The following MAP3K9 variants were observed in gnomAD, a reference collection of about 807,000 sequenced individuals.
MAP3K9 encodes the protein mitogen-activated protein kinase kinase kinase 9, also known as mixed lineage kinase 1 (tyr and ser/thr specificity).
In MAP3K9, 46 loss-of-function variants were observed where a neutral mutation model predicts 95.8. The observed-to-expected ratio is 0.48, with a 90% CI of 0.38 to 0.61. MAP3K9 has a LOEUF of 0.61. MAP3K9 is among the 20% of genes least tolerant of loss of function. The pLI, the probability that MAP3K9 is intolerant of heterozygous loss-of-function variation, is 0.00. For missense variants in MAP3K9, 1,296 were observed against 1,474.3 expected, an observed-to-expected ratio of 0.88 and a Z score of 1.98; for synonymous variants, 533 against 593.8, an observed-to-expected ratio of 0.90 and a Z score of 1.49.
chr14:70,778,974 C>T (rs2054637386), intron 2 of MAP3K9, among the ~76,000 whole-genome samples: 1 of 152,104 alleles, frequency 6.6e-6, no homozygotes. Flanking sequence ...ACAGAATAAA[C>T]AACTGCTCTC....
At chr14:70,799,443 C>A (rs1426880812) in intron 2 of MAP3K9, among the ~76,000 whole-genome samples, 1 of 152,168 alleles carries the variant, frequency 6.6e-6, no homozygotes, top group Non-Finnish European at 1.5e-5. Flanking sequence ...GGGTTCACAC[C>A]ATTCTCCTGC....
intron 8 of MAP3K9, among the ~76,000 whole-genome samples, chr14:70,737,825 A>G (rs2054005936): frequency 6.6e-6 from 1 of 152,142 alleles, no homozygotes; most frequent in Non-Finnish European, 1.5e-5. Flanking sequence ...GCTACTTGCT[A>G]CTCTGAGTAG....
chr14:70,804,451 T>C (rs2054967643), intron 1 of MAP3K9, among the ~76,000 whole-genome samples: 1 of 152,202 alleles, frequency 6.6e-6, no homozygotes, highest in African/African-American at 2.4e-5. Flanking sequence ...TTCCTGGTCA[T>C]GGAGGGAGGA....
chr14:70,800,846 GGCTCCT>G lies in MAP3K9; in HGVS notation c.635_640del (p.Lys212_Pro214delinsThr). ...AAACTCCATGACCAAGCAGAGGTTG[GGCTCCT>G]TCAGACATACCCCTCTTAGGGCAAT... On this transcript the variant is annotated inframe_deletion, in exon 2 of 12. Coordinates refer to ENST00000554752, the MANE Select transcript of MAP3K9 (RefSeq NM_001284230.2). 1 of 1,614,048 alleles carries G rather than the reference GGCTCCT, an allele frequency of 6.2e-7. No individual in the cohort carries two copies. The highest frequency in any genetic ancestry group is 8.5e-7 in the Non-Finnish European group (1 of 1,180,018).
intron 5 of MAP3K9, 31 bp downstream of exon 5, chr14:70,748,798 G>GT (rs1415721975): frequency 1.9e-6 from 3 of 1,570,552 alleles, no homozygotes; most frequent in Non-Finnish European, 2.6e-6. Context: ...CTTTTCGTTC[G>GT]TTTTTTTGTT....
intron 1 of MAP3K9, among the ~76,000 whole-genome samples, chr14:70,805,350 A>G (rs2054978532): frequency 6.6e-6 from 1 of 152,230 alleles, no homozygotes; most frequent in Non-Finnish European, 1.5e-5. Context: ...TTGAAAACTG[A>G]AACAACTCTC....
rs1423274051 is a variant in MAP3K9, at chr14:70,742,406, C to A, written c.1512G>T (p.Lys504Asn). The A allele has an allele frequency of 6.2e-7, 1 of 1,614,224 alleles. No individual in the cohort carries two copies. Among genetic ancestry groups the A allele is most frequent in the Non-Finnish European group, 8.5e-7 (1 of 1,180,046 alleles). The stretch of plus-strand genomic sequence containing the variant: ...TGAGCTTCAGCCGGCTCTTCCTGAA[C>A]TTGCCCTTGCGTTTCTTCACCCGGG... The part of the protein sequence containing the change: ...EKPRVKKRKG[K>N]FRKSRLKLKD... Residue 504 changes from lysine to asparagine, a missense_variant, in exon 6 of 12, where the codon AAG becomes AAT. By Grantham distance (94) the Lys-to-Asn change is moderately conservative. This residue lies in a region of MAP3K9 where 377 missense variants were observed against 417.1 expected (regional missense o/e 0.90). Coordinates refer to ENST00000554752, the MANE Select transcript of MAP3K9 (RefSeq NM_001284230.2).
chr14:70,740,167 G>A lies in MAP3K9; in HGVS notation c.1568-3C>T. 5 of 1,611,856 alleles carry A rather than the reference G, an allele frequency of 3.1e-6. No individual in the cohort carries two copies. Among genetic ancestry groups the A allele is most frequent in the Non-Finnish European group, 4.2e-6 (5 of 1,178,150 alleles). On this transcript the variant is annotated splice_region_variant and splice_polypyrimidine_tract_variant and intron_variant, in intron 6 of 11. Coordinates refer to ENST00000554752, the MANE Select transcript of MAP3K9 (RefSeq NM_001284230.2). ...CACCGTGAACTTGTGCTGGAAATCTGCTTGGGGAAAGACAAACACGTGTAT... is the reference window on the plus strand; with the variant it reads ...CACCGTGAACTTGTGCTGGAAATCTACTTGGGGAAAGACAAACACGTGTAT...
intron 1 of MAP3K9, among the ~76,000 whole-genome samples, chr14:70,802,150 A>AC (rs1371183539): frequency 6.6e-6 from 1 of 152,086 alleles, no homozygotes; most frequent in Non-Finnish European, 1.5e-5. Context: ...CAGCAAAAGG[A>AC]CCCCCTAAGG....
chr14:70,760,917 G>C, intron 3 of MAP3K9, 85 bp downstream of exon 3: 1 of 1,458,052 alleles, frequency 6.9e-7, no homozygotes. Flanking sequence ...TGGGATCCTA[G>C]GTAACCTCAA....
intron 3 of MAP3K9, among the ~76,000 whole-genome samples, chr14:70,751,877 T>C (rs908120012): frequency 1.3e-5 from 2 of 152,168 alleles, no homozygotes; most frequent in Non-Finnish European, 2.9e-5. Flanking sequence ...GTTTTAGACA[T>C]GTTTAGGAGC....
chr14:70,806,905 C>G (rs1207940585), intron 1 of MAP3K9, among the ~76,000 whole-genome samples: 1 of 152,208 alleles, frequency 6.6e-6, no homozygotes, highest in East Asian at 1.9e-4. Context: ...CAATATATGA[C>G]CAAGTTCATT....
chr14:70,809,351 A>AGAGCGCC lies in MAP3K9; in HGVS notation c.-187_-181dup. The AGAGCGCC allele has an allele frequency of 1.3e-6, 1 of 748,322 alleles. No individual in the cohort carries two copies. The highest frequency in any genetic ancestry group is 1.8e-6 in the Non-Finnish European group (1 of 547,858). 46.4% of individuals were successfully genotyped at this position (748,322 alleles called of 1,614,324 possible). ...CCGGCGCTGTTACCGCGGTACGAGA[A>AGAGCGCC]GAGCGCCGAGCGCGAGCTCTTCGCG... On this transcript the variant is annotated 5_prime_UTR_variant, in exon 1 of 12. Transcript: ENST00000554752.
chr14:70,760,941 G>C, intron 3 of MAP3K9, 61 bp downstream of exon 3: 1 of 1,565,262 alleles, frequency 6.4e-7, no homozygotes. Context: ...TCCAAGTCTT[G>C]AAATGTGTGT....
In MAP3K9 at chr14:70,738,417, G is replaced by A. The variant is rs777014395; in HGVS notation, c.1691-19C>T. Reference sequence around the variant, plus strand: ...GGTGTCACTGTGAATCACAAGGGTTGGATAGGATCTAGAAAATGGACAGAC... The same window carrying A: ...GGTGTCACTGTGAATCACAAGGGTTAGATAGGATCTAGAAAATGGACAGAC... On this transcript the variant is annotated intron_variant, in intron 7 of 11. Transcript: ENST00000554752. 1 of 1,612,278 alleles carries A rather than the reference G, an allele frequency of 6.2e-7. No homozygotes were observed. Among genetic ancestry groups the A allele is most frequent in the South Asian group, 1.1e-5 (1 of 90,726 alleles).
At chr14:70,756,509 A>G (rs1005729636) in intron 3 of MAP3K9, among the ~76,000 whole-genome samples, 2 of 152,188 alleles carry the variant, frequency 1.3e-5, no homozygotes, top group Admixed American at 1.3e-4. Context: ...GCTAGAACGT[A>G]CATTTTTCTG....
At chr14:70,778,422 T>C (rs567692420) in intron 2 of MAP3K9, among the ~76,000 whole-genome samples, 3 of 152,110 alleles carry the variant, frequency 2.0e-5, no homozygotes, top group African/African-American at 7.2e-5. Flanking sequence ...ATTACAGGTA[T>C]GTGCCACCAC....
At chr14:70,789,115 C>T (rs2054779346) in intron 2 of MAP3K9, among the ~76,000 whole-genome samples, 1 of 152,220 alleles carries the variant, frequency 6.6e-6, no homozygotes, top group Admixed American at 6.5e-5. Context: ...CTGTAACAGA[C>T]AGGACGAGGC....
chr14:70,787,968 C>T (rs1394562228), intron 2 of MAP3K9, among the ~76,000 whole-genome samples: 1 of 152,172 alleles, frequency 6.6e-6, no homozygotes, highest in Non-Finnish European at 1.5e-5. Context: ...AAAACAGCAA[C>T]ACCTCTGCTG....
Sources: gnomAD v4.1 joint callset for allele counts (sites outside exome capture counted in the v4.1 genomes callset) on GRCh38, gnomAD v4.1.1 for gene constraint, gnomAD v4.1.1 regional missense constraint, MANE v1.5 for transcripts, NCBI Gene and HGNC (gene_info 2026-07-23, HGNC 2026-07-21) for gene names.